The following PARD3B variants were observed in gnomAD, a reference collection of about 807,000 sequenced individuals.
The protein encoded by PARD3B is partitioning defective 3 homolog B.
Under a neutral mutation model 130.2 loss-of-function variants are expected in PARD3B, and 103 were observed. The observed-to-expected ratio is 0.79, with a 90% CI of 0.67 to 0.93. The LOEUF is 0.93. Ranked by LOEUF, PARD3B falls within the 40% of genes least tolerant of loss-of-function variation. The pLI is 0.00. For synonymous variants in PARD3B, 583 were observed against 553.2 expected, an observed-to-expected ratio of 1.05 and a Z score of -0.76; for missense variants, 1,609 against 1,499.2, an observed-to-expected ratio of 1.07 and a Z score of -1.21.
intron 18 of PARD3B, among the ~76,000 whole-genome samples, chr2:205,323,652 T>C (rs1486370280): frequency 6.6e-6 from 1 of 152,190 alleles, no homozygotes; most frequent in Non-Finnish European, 1.5e-5. Context: ...TTTCCACTAA[T>C]GTAGTCAACA....
intron 6 of PARD3B, 38 bp downstream of exon 6, chr2:205,113,615 G>T: frequency 7.5e-7 from 1 of 1,339,738 alleles, no homozygotes; most frequent in Non-Finnish European, 1.0e-6. Flanking sequence ...TCATGCTAAT[G>T]AAAACCCTGA....
At position 205,335,036 on chromosome 2, in the gene PARD3B, A is replaced by G. The variant is rs191891546; in HGVS notation, c.2630+33335A>G. On this transcript the variant is annotated intron_variant, in intron 18 of 22. Transcript: ENST00000406610. ...TTACCATCCTTTTAAAGGCAAGAGTATCTGAAATTTGAGATAAGGAACAAG... is the reference window on the plus strand; with the variant it reads ...TTACCATCCTTTTAAAGGCAAGAGTGTCTGAAATTTGAGATAAGGAACAAG... Among the ~76,000 whole-genome samples the G allele has an allele frequency of 2.0e-5, 3 of 152,348 alleles. No individual in the cohort carries two copies. In the East Asian group the frequency reaches 5.8e-4, roughly 29 times the overall value.
intron 3 of PARD3B, among the ~76,000 whole-genome samples, chr2:204,984,006 T>A (rs774059170): frequency 6.6e-6 from 1 of 151,958 alleles, no homozygotes; most frequent in Non-Finnish European, 1.5e-5. Flanking sequence ...GAAAAAAAAA[T>A]ATGCATTTCT....
intron 18 of PARD3B, among the ~76,000 whole-genome samples, chr2:205,361,879 C>G (rs2044402127): frequency 6.6e-6 from 1 of 152,154 alleles, no homozygotes; most frequent in Non-Finnish European, 1.5e-5. Context: ...CTCTACCCCA[C>G]TCATCTTCTC....
intron 2 of PARD3B, among the ~76,000 whole-genome samples, chr2:204,864,364 A>G (rs1036573952): frequency 1.3e-5 from 2 of 152,116 alleles, no homozygotes; most frequent in African/African-American, 4.8e-5. Context: ...TGGCCCTACT[A>G]TCTTCTCTAA....
At chr2:205,377,740 C>G (rs1302401102) in intron 18 of PARD3B, among the ~76,000 whole-genome samples, 1 of 150,238 alleles carries the variant, frequency 6.7e-6, no homozygotes, top group Non-Finnish European at 1.5e-5. Context: ...ATATCGAGAC[C>G]AAGTATCACA....
chr2:204,601,413 A>G (rs770526104), intron 1 of PARD3B, among the ~76,000 whole-genome samples: 1 of 152,134 alleles, frequency 6.6e-6, no homozygotes, highest in South Asian at 2.1e-4. Flanking sequence ...GGTGATTGCT[A>G]TATTGTTTTT....
intron 2 of PARD3B, among the ~76,000 whole-genome samples, chr2:204,686,538 A>G (rs531004772): frequency 6.6e-6 from 1 of 152,286 alleles, no homozygotes; most frequent in Admixed American, 6.5e-5. Flanking sequence ...GTCTTAATAA[A>G]TTAGTTTCAT....
rs185400429 is a variant in PARD3B, at chr2:205,497,137, A to G, written c.3045-2759A>G. Among the ~76,000 whole-genome samples the G allele has an allele frequency of 3.9e-4, 60 of 152,132 alleles. No individual in the cohort carries two copies. The Middle Eastern group carries it at 0.01, about 26-fold the overall frequency. On this transcript the variant is annotated intron_variant, in intron 20 of 22. Coordinates refer to ENST00000406610, the MANE Select transcript of PARD3B (RefSeq NM_001302769.2). ...ACTATCTTTTTCAAGTGCTCAAAGA[A>G]AACTTTTTTTAAGTATAGTAAAGAA...
chr2:204,550,631 A>T (rs1465396145), intron 1 of PARD3B, among the ~76,000 whole-genome samples: 1 of 152,166 alleles, frequency 6.6e-6, no homozygotes, highest in Non-Finnish European at 1.5e-5. Flanking sequence ...CTTTTTTGGA[A>T]AGGAAAAATT....
rs2052994285 is a variant in PARD3B, at chr2:205,558,464, A to G, written c.3260+5061A>G. ...ACTCGTGTGGCAGGTCTACCCCATTAAATTGACTCTTGTATGTCAGAGAAA... is the reference window on the plus strand; with the variant it reads ...ACTCGTGTGGCAGGTCTACCCCATTGAATTGACTCTTGTATGTCAGAGAAA... On this transcript the variant is annotated intron_variant, in intron 22 of 22. Transcript: ENST00000406610. The surrounding 1 kb of genome is among the most constrained non-coding windows in gnomAD (Gnocchi z 4.8). Among the ~76,000 whole-genome samples, 1 of 152,106 alleles carries G rather than the reference A, an allele frequency of 6.6e-6. No homozygotes were observed. The highest frequency in any genetic ancestry group is 1.5e-5 in the Non-Finnish European group (1 of 68,012).
chr2:205,072,918 T>C (rs968149565), intron 4 of PARD3B, among the ~76,000 whole-genome samples: 1 of 152,184 alleles, frequency 6.6e-6, no homozygotes, highest in Non-Finnish European at 1.5e-5. Context: ...AGAAATGTCC[T>C]GTTTTTCTTC....
At chr2:205,240,772 C>T (rs72940314) in intron 15 of PARD3B, among the ~76,000 whole-genome samples, 13,038 of 152,060 alleles carry the variant, frequency 0.086, 780 homozygotes, top group East Asian at 0.3. Flanking sequence ...TTATAGAATG[C>T]GTATCAAATG....
intron 22 of PARD3B, among the ~76,000 whole-genome samples, chr2:205,605,672 C>T (rs1396817572): frequency 1.3e-5 from 2 of 152,162 alleles, no homozygotes. Context: ...AGCAGGAATG[C>T]TCCTGTATAA....
intron 4 of PARD3B, among the ~76,000 whole-genome samples, chr2:205,061,403 G>A (rs1182610518): frequency 6.6e-6 from 1 of 152,108 alleles, no homozygotes; most frequent in Non-Finnish European, 1.5e-5. Context: ...TTTCTGTCAA[G>A]TGTTTGTTTT....
At chr2:205,045,755 C>G (rs1199082831) in intron 3 of PARD3B, among the ~76,000 whole-genome samples, 1 of 151,678 alleles carries the variant, frequency 6.6e-6, no homozygotes, top group Non-Finnish European at 1.5e-5. Flanking sequence ...CACATACACT[C>G]TCTCTCTCCA....
intron 1 of PARD3B, among the ~76,000 whole-genome samples, chr2:204,611,617 C>G (rs913266793): frequency 3.9e-5 from 6 of 152,038 alleles, no homozygotes; most frequent in African/African-American, 1.4e-4. Flanking sequence ...CTTTTAGCAT[C>G]AGTAAGATTA....
intron 21 of PARD3B, among the ~76,000 whole-genome samples, chr2:205,523,217 G>GTATATATATATATA (rs1559176093): frequency 6.8e-5 from 4 of 58,542 alleles, no homozygotes; most frequent in East Asian, 7.0e-4. Context: ...ATATGTGTGT[G>GTATATATATATATA]TGTGTGTGTA....
At chr2:205,390,300 G>GA (rs1188607669) in intron 18 of PARD3B, among the ~76,000 whole-genome samples, 1,563 of 140,256 alleles carry the variant, frequency 0.011, 12 homozygotes, top group African/African-American at 0.03. Flanking sequence ...AGAAGAATAT[G>GA]AAAAAAAAAA....
Sources: allele counts gnomAD v4.1 joint callset (sites outside exome capture counted in the v4.1 genomes callset), GRCh38; gene constraint gnomAD v4.1.1; non-coding constraint Gnocchi (gnomAD v3.1); transcripts MANE v1.5; gene names NCBI Gene and HGNC (gene_info 2026-07-23, HGNC 2026-07-21).